Variants in GDPD4 observed in about 807,000 individuals in gnomAD.
The protein encoded by GDPD4 is glycerophosphodiester phosphodiesterase 6.
Under a neutral mutation model 67.8 loss-of-function variants are expected in GDPD4, and 60 were observed. That is an observed-to-expected ratio of 0.88 (90% CI 0.72 to 1.10). GDPD4 has a LOEUF of 1.10. Among genes scored for constraint, GDPD4 ranks in the 50% least tolerant of loss-of-function variants. The pLI, the probability that GDPD4 is intolerant of heterozygous loss-of-function variation, is 0.00. For missense variants in GDPD4, 623 were observed against 613.9 expected, an observed-to-expected ratio of 1.01 and a Z score of -0.16; for synonymous variants, 212 against 210.9, an observed-to-expected ratio of 1.00 and a Z score of -0.04.
intron 11 of GDPD4, 34 bp downstream of exon 11, chr11:77,258,352 A>T (rs1238531425): frequency 6.2e-7 from 1 of 1,606,126 alleles, no homozygotes; most frequent in Middle Eastern, 1.7e-4. Flanking sequence ...CAAAAATTCA[A>T]TGCAGGTTTG....
intron 16 of GDPD4, among the ~76,000 whole-genome samples, chr11:77,221,028 A>C (rs576800323): frequency 6.6e-6 from 1 of 152,184 alleles, no homozygotes; most frequent in Admixed American, 6.5e-5. Context: ...TAGATTTTCT[A>C]GTTTATTTGC....
At chr11:77,286,110 A>G (rs1327207602) in intron 2 of GDPD4, among the ~76,000 whole-genome samples, 1 of 151,896 alleles carries the variant, frequency 6.6e-6, no homozygotes, top group East Asian at 1.9e-4. Flanking sequence ...ACTTCTTCAC[A>G]TTCATATCCT....
At chr11:77,267,457 T>C (rs1274112666) in intron 10 of GDPD4, among the ~76,000 whole-genome samples, 1 of 152,258 alleles carries the variant, frequency 6.6e-6, no homozygotes, top group Non-Finnish European at 1.5e-5. Context: ...TCAATTTGTC[T>C]GCCAGCATTT....
At chr11:77,232,893 A>G in intron 14 of GDPD4, 132 bp downstream of exon 14, 2 of 690,262 alleles carry the variant, frequency 2.9e-6, no homozygotes, top group South Asian at 2.4e-5. Flanking sequence ...AAAATACCAC[A>G]TCTCCAATAT....
At chr11:77,223,276 ATC>A (rs1958262896) in intron 16 of GDPD4, among the ~76,000 whole-genome samples, 1 of 152,070 alleles carries the variant, frequency 6.6e-6, no homozygotes, top group Non-Finnish European at 1.5e-5. Flanking sequence ...AGGAGCTGCA[ATC>A]CTTTGGAGGA....
intron 5 of GDPD4, among the ~76,000 whole-genome samples, chr11:77,273,191 C>T (rs1253014539): frequency 6.6e-6 from 1 of 152,148 alleles, no homozygotes; most frequent in East Asian, 1.9e-4. Flanking sequence ...TTGCTTCTCT[C>T]TGGGCATCTG....
Position 77,269,005 on chromosome 11 carries a change from C to G in GDPD4, c.543G>C (p.Leu181=), listed in dbSNP as rs779807283. 3 of 1,613,964 alleles carry G rather than the reference C, an allele frequency of 1.9e-6. No individual in the cohort carries two copies. Among genetic ancestry groups the G allele is most frequent in the Non-Finnish European group, 2.5e-6 (3 of 1,179,892 alleles). ...LILLGLYLMP[L]GIYSPCIQEK... is the part of the protein sequence containing the mutation. The stretch of plus-strand genomic sequence containing the variant: ...CCTGAATGCAGGGAGAATAAATCCC[C>G]AGTGGCATCAAATAGAGACCTAAAA... Residue 181 remains leucine (L), a synonymous_variant, in exon 9 of 17, where the codon CTG becomes CTC. Coordinates refer to ENST00000315938, the MANE Select transcript of GDPD4 (RefSeq NM_182833.3).
intron 4 of GDPD4, among the ~76,000 whole-genome samples, chr11:77,277,509 TCTC>T (rs1959537929): frequency 1.4e-5 from 2 of 146,946 alleles, no homozygotes; most frequent in East Asian, 4.2e-4. Flanking sequence ...TTCACGCCAT[TCTC>T]CTGCCTCAGC....
chr11:77,252,046 G>GTTTGTTTTT (rs1958910279), intron 11 of GDPD4, among the ~76,000 whole-genome samples: 1 of 68,702 alleles, frequency 1.5e-5, no homozygotes, highest in Non-Finnish European at 3.3e-5. Context: ...GGGTTTTTTT[G>GTTTGTTTTT]TTTGTTTGTT....
At chr11:77,288,155 T>C (rs1403382407) in intron 1 of GDPD4, among the ~76,000 whole-genome samples, 1 of 152,004 alleles carries the variant, frequency 6.6e-6, no homozygotes, top group Admixed American at 6.6e-5. Flanking sequence ...ACCTATAGAC[T>C]GACCCACCCA....
chr11:77,234,532 C>T (rs368573315), intron 13 of GDPD4, among the ~76,000 whole-genome samples: 4 of 152,152 alleles, frequency 2.6e-5, no homozygotes, highest in Non-Finnish European at 5.9e-5. Flanking sequence ...CATTGTCTAT[C>T]ATTTCCAACT....
intron 13 of GDPD4, among the ~76,000 whole-genome samples, chr11:77,236,447 T>C (rs969440717): frequency 6.6e-6 from 1 of 151,998 alleles, no homozygotes; most frequent in Admixed American, 6.6e-5. Context: ...AAGTCCGAGA[T>C]TATCCTACTA....
intron 3 of GDPD4, among the ~76,000 whole-genome samples, chr11:77,282,256 A>T (rs1959788409): frequency 6.6e-6 from 1 of 152,200 alleles, no homozygotes; most frequent in Admixed American, 6.5e-5. Context: ...AAAAGACAGC[A>T]AGAGTGAGTA....
intron 10 of GDPD4, among the ~76,000 whole-genome samples, chr11:77,260,712 A>G (rs1013136609): frequency 6.6e-6 from 1 of 152,250 alleles, no homozygotes; most frequent in African/African-American, 2.4e-5. Flanking sequence ...GAAGATACAC[A>G]TACAAGGTAT....
intron 16 of GDPD4, 64 bp from the exon 17 acceptor site, chr11:77,217,378 T>G (rs1958145244): frequency 7.6e-7 from 1 of 1,313,752 alleles, no homozygotes; most frequent in Admixed American, 1.7e-5. Flanking sequence ...CAGTCATGTG[T>G]GAAATTCAAG....
chr11:77,239,323 T>C (rs1424715328), intron 13 of GDPD4, among the ~76,000 whole-genome samples: 1 of 152,142 alleles, frequency 6.6e-6, no homozygotes, highest in Non-Finnish European at 1.5e-5. Context: ...CTTTTTGACA[T>C]AGTACTGTCT....
chr11:77,276,094 C>G, intron 5 of GDPD4, 67 bp downstream of exon 5: 1 of 1,106,194 alleles, frequency 9.0e-7, no homozygotes, highest in Non-Finnish European at 1.4e-6. Context: ...TACCAAGGAG[C>G]ATGTTCAGGC....
At chr11:77,244,312 G>A (rs1000792151) in intron 12 of GDPD4, among the ~76,000 whole-genome samples, 5 of 152,252 alleles carry the variant, frequency 3.3e-5, no homozygotes, top group African/African-American at 4.8e-5. Flanking sequence ...GATTACAGGC[G>A]TGAGCCACCG....
At chr11:77,269,098 G>C in intron 8 of GDPD4, 29 bp from the exon 9 acceptor site, 1 of 1,605,662 alleles carries the variant, frequency 6.2e-7, no homozygotes, top group Non-Finnish European at 8.5e-7. Context: ...AGGGGAAGTG[G>C]GGGAAAAAGA....
Sources: allele counts gnomAD v4.1 joint callset (sites outside exome capture counted in the v4.1 genomes callset), GRCh38; gene constraint gnomAD v4.1.1; transcripts MANE v1.5; gene names NCBI Gene and HGNC (gene_info 2026-07-23, HGNC 2026-07-21).